Variants in SNX7 observed in about 807,000 individuals in gnomAD.
SNX7 encodes the protein sorting nexin 7, also known as sorting nexin-7.
A neutral mutation model predicts 48.4 loss-of-function variants in SNX7; 35 were observed. That is an observed-to-expected ratio of 0.72 (90% CI 0.55 to 0.96). The LOEUF (loss-of-function observed/expected upper bound fraction) is 0.96. Ranked by LOEUF, SNX7 falls within the 40% of genes least tolerant of loss-of-function variation. The probability of loss-of-function intolerance (pLI) is 0.00; values close to 1 mark genes in which losing one functional copy is unlikely to be tolerated. For missense variants in SNX7, 553 were observed against 548.9 expected, an observed-to-expected ratio of 1.01 and a Z score of -0.07; for synonymous variants, 190 against 190.2, an observed-to-expected ratio of 1.00 and a Z score of 0.01.
At chr1:98,673,861 G>C (rs116467606) in intron 1 of SNX7, among the ~76,000 whole-genome samples, 3,994 of 152,200 alleles carry the variant, frequency 0.026, 77 homozygotes, top group Middle Eastern at 0.044. Flanking sequence ...TGTTGCTAAG[G>C]CACATAGTCT....
chr1:98,720,435 C>T (rs953507648), intron 7 of SNX7, among the ~76,000 whole-genome samples: 4 of 151,906 alleles, frequency 2.6e-5, no homozygotes, highest in Admixed American at 6.6e-5. Context: ...AGAAAATATT[C>T]AGTAATATTA....
Position 98,695,568 on chromosome 1 carries a change from G to GCAAA in SNX7, c.692_695dup (p.Val233AsnfsTer13). The GCAAA allele has an allele frequency of 1.9e-6, 3 of 1,614,098 alleles. No homozygotes were observed. Among genetic ancestry groups the GCAAA allele is most frequent in the Non-Finnish European group, 2.5e-6 (3 of 1,180,012 alleles). ...GTCCTGGCTTGCTAAGCAGGATGGGGCAAACCGTCAGAGCTGTTGCGTCCT... is the reference window on the plus strand; with the variant it reads ...GTCCTGGCTTGCTAAGCAGGATGGGGCAAACAAACCGTCAGAGCTGTTGCGTCCT... On this transcript the variant is annotated frameshift_variant, in exon 5 of 9. Coordinates refer to ENST00000306121, the MANE Select transcript of SNX7 (RefSeq NM_015976.5). LOFTEE classifies it high-confidence loss of function.
intron 8 of SNX7, among the ~76,000 whole-genome samples, chr1:98,742,289 C>T (rs1373365085): frequency 2.0e-5 from 3 of 152,074 alleles, no homozygotes; most frequent in East Asian, 1.9e-4. Flanking sequence ...GTGTCTATGG[C>T]ACATAGCAGA....
chr1:98,754,231 A>G (rs571559186), intron 8 of SNX7, among the ~76,000 whole-genome samples: 11 of 152,222 alleles, frequency 7.2e-5, no homozygotes, highest in African/African-American at 2.4e-4. Flanking sequence ...GTTATGATGC[A>G]TAATTCTTTA....
intron 8 of SNX7, among the ~76,000 whole-genome samples, chr1:98,748,322 A>G (rs1019171552): frequency 1.2e-4 from 18 of 152,086 alleles, no homozygotes; most frequent in African/African-American, 4.3e-4. Context: ...ATTGAAAAAT[A>G]TTCTCATCAG....
chr1:98,758,335 T>C (rs1010337090), intron 8 of SNX7, among the ~76,000 whole-genome samples: 1 of 152,064 alleles, frequency 6.6e-6, no homozygotes, highest in African/African-American at 2.4e-5. Context: ...GAGGAGGCCA[T>C]TCTTACTAGT....
intron 7 of SNX7, 32 bp downstream of exon 7, chr1:98,701,935 T>C (rs1651772774): frequency 2.1e-6 from 3 of 1,459,312 alleles, no homozygotes; most frequent in Non-Finnish European, 2.8e-6. Flanking sequence ...TACAATCATA[T>C]AGAATTCATT....
At position 98,755,965 on chromosome 1, in the gene SNX7, T is replaced by C. The variant is rs1654821092; in HGVS notation, c.1279-4089T>C. Among the ~76,000 whole-genome samples the C allele has an allele frequency of 2.6e-5, 4 of 152,074 alleles. No homozygotes were observed. In the South Asian group the frequency reaches 8.3e-4, roughly 31 times the overall value. On this transcript the variant is annotated intron_variant, in intron 8 of 8. Transcript: ENST00000306121. ...GAGTCTTTTATCTTGCTGTGTTTTATTTGTTCTGTCTGTACATTGTTCCTA... is the reference window on the plus strand; with the variant it reads ...GAGTCTTTTATCTTGCTGTGTTTTACTTGTTCTGTCTGTACATTGTTCCTA...
intron 8 of SNX7, among the ~76,000 whole-genome samples, chr1:98,747,749 T>C (rs1317346793): frequency 6.6e-6 from 1 of 152,140 alleles, no homozygotes; most frequent in Non-Finnish European, 1.5e-5. Flanking sequence ...TAAGTTTAAA[T>C]GCAGCAGGAT....
chr1:98,748,362 T>G (rs1654410632), intron 8 of SNX7, among the ~76,000 whole-genome samples: 1 of 152,082 alleles, frequency 6.6e-6, no homozygotes, highest in South Asian at 2.1e-4. Context: ...TAATTTGTTC[T>G]CGATTATCTA....
chr1:98,664,187 A>T (rs1490214870), intron 1 of SNX7, among the ~76,000 whole-genome samples: 7 of 152,070 alleles, frequency 4.6e-5, no homozygotes, highest in Admixed American at 4.6e-4. Context: ...ATTTACATTC[A>T]CCTTTATAGT....
At chr1:98,736,574 C>T (rs941578741) in intron 7 of SNX7, among the ~76,000 whole-genome samples, 3 of 152,086 alleles carry the variant, frequency 2.0e-5, no homozygotes, top group African/African-American at 7.2e-5. Flanking sequence ...ACAGTATTCT[C>T]GCTGATATAG....
chr1:98,693,998 T>C (rs575497824), intron 4 of SNX7, among the ~76,000 whole-genome samples: 4 of 152,212 alleles, frequency 2.6e-5, no homozygotes, highest in Non-Finnish European at 5.9e-5. Flanking sequence ...TATATTCTTT[T>C]ATAGGATGTT....
intron 1 of SNX7, among the ~76,000 whole-genome samples, chr1:98,682,058 CATT>C (rs1357178295): frequency 6.7e-6 from 1 of 149,908 alleles, no homozygotes; most frequent in Non-Finnish European, 1.5e-5. Flanking sequence ...ACATTTATGT[CATT>C]ATCAGTTTTC....
chr1:98,687,906 C>T (rs1003209421), intron 2 of SNX7, among the ~76,000 whole-genome samples: 3 of 152,104 alleles, frequency 2.0e-5, no homozygotes, highest in African/African-American at 7.2e-5. Flanking sequence ...TATCATGAGC[C>T]TTATTCACTA....
chr1:98,696,011 A>G (rs1451062329), intron 5 of SNX7, among the ~76,000 whole-genome samples: 2 of 152,212 alleles, frequency 1.3e-5, no homozygotes, highest in Admixed American at 6.5e-5. Context: ...AACATGGAAC[A>G]GAGCTCAGAA....
At chr1:98,664,170 A>G (rs1047232860) in intron 1 of SNX7, among the ~76,000 whole-genome samples, 2 of 152,232 alleles carry the variant, frequency 1.3e-5, no homozygotes, top group Non-Finnish European at 2.9e-5. Flanking sequence ...GGCAAACTAC[A>G]TATTTAATTT....
intron 1 of SNX7, among the ~76,000 whole-genome samples, chr1:98,663,038 T>C (rs1368183126): frequency 6.6e-6 from 1 of 152,216 alleles, no homozygotes; most frequent in Non-Finnish European, 1.5e-5. Context: ...ACAATGGAAT[T>C]ATTTTATGTT....
chr1:98,664,599 A>G (rs996216718), intron 1 of SNX7, among the ~76,000 whole-genome samples: 23 of 152,186 alleles, frequency 1.5e-4, no homozygotes, highest in African/African-American at 4.8e-4. Context: ...GCAAATATAC[A>G]TTTTGTGTTA....
Sources: allele counts gnomAD v4.1 joint callset (sites outside exome capture counted in the v4.1 genomes callset), GRCh38; gene constraint gnomAD v4.1.1; transcripts MANE v1.5; gene names NCBI Gene and HGNC (gene_info 2026-07-23, HGNC 2026-07-21).